Variants in ARHGAP15 observed in about 807,000 individuals in gnomAD.
ARHGAP15 encodes Rho GTPase activating protein 15, also known as rho GTPase-activating protein 15.
In ARHGAP15, 51 loss-of-function variants were observed where a neutral mutation model predicts 63.7. That is an observed-to-expected ratio of 0.80 (90% confidence interval 0.64 to 1.01). The LOEUF is 1.01. ARHGAP15 is among the 50% of genes least tolerant of loss of function. The probability of loss-of-function intolerance (pLI) is 0.00; values close to 1 mark genes in which losing one functional copy is unlikely to be tolerated. For missense variants in ARHGAP15, 560 were observed against 564.6 expected (o/e 0.99, Z 0.08); for synonymous variants, 191 against 193.8 (o/e 0.99, Z 0.12).
chr2:143,726,509 A>G (rs915185161), intron 13 of ARHGAP15, among the ~76,000 whole-genome samples: 6 of 152,230 alleles, frequency 3.9e-5, no homozygotes, highest in Admixed American at 2.6e-4. Flanking sequence ...TGGGTACCAC[A>G]CCCACACCTA....
intron 8 of ARHGAP15, among the ~76,000 whole-genome samples, chr2:143,457,416 T>G (rs1012508649): frequency 6.6e-6 from 1 of 151,926 alleles, no homozygotes; most frequent in African/African-American, 2.4e-5. Flanking sequence ...CATGGTAGCA[T>G]GCACCTGTAG....
chr2:143,390,693 A>C (rs1687498386), intron 6 of ARHGAP15, among the ~76,000 whole-genome samples: 1 of 149,486 alleles, frequency 6.7e-6, no homozygotes, highest in African/African-American at 2.5e-5. Flanking sequence ...AGATCCCCCC[A>C]CCGTGGATAT....
At chr2:143,623,722 CT>C (rs1698731731) in intron 11 of ARHGAP15, among the ~76,000 whole-genome samples, 1 of 152,250 alleles carries the variant, frequency 6.6e-6, no homozygotes, top group African/African-American at 2.4e-5. Flanking sequence ...TAGCATATGT[CT>C]CCTGTTGGCT....
chr2:143,617,693 T>A (rs767807483), intron 11 of ARHGAP15, among the ~76,000 whole-genome samples: 11 of 152,206 alleles, frequency 7.2e-5, no homozygotes, highest in Non-Finnish European at 1.3e-4. Flanking sequence ...ATTCAGCACA[T>A]AACAGGCACG....
At chr2:143,608,810 C>A (rs890179144) in intron 11 of ARHGAP15, 7 of 152,150 alleles carry the variant, frequency 4.6e-5, no homozygotes, top group Non-Finnish European at 1.5e-5. Flanking sequence ...ATGCAGTTAG[C>A]TGACATTTTT....
intron 10 of ARHGAP15, among the ~76,000 whole-genome samples, chr2:143,523,795 A>G (rs1694152907): frequency 6.6e-6 from 1 of 152,208 alleles, no homozygotes; most frequent in Non-Finnish European, 1.5e-5. Flanking sequence ...ACTATTTTAA[A>G]ACATTAAAAT....
At chr2:143,390,005 T>C (rs1435306822) in intron 6 of ARHGAP15, among the ~76,000 whole-genome samples, 1 of 145,920 alleles carries the variant, frequency 6.9e-6, no homozygotes, top group Non-Finnish European at 1.5e-5. Flanking sequence ...ACCAGTCCTT[T>C]ATTAAAAAAA....
At position 143,519,343 on chromosome 2, in the gene ARHGAP15, A is replaced by G. The variant is rs1412765375; in HGVS notation, c.904A>G (p.Ile302Val). 6 of 1,612,890 alleles carry G rather than the reference A, an allele frequency of 3.7e-6. No homozygotes were observed. Among genetic ancestry groups the G allele is most frequent in the East Asian group, 2.2e-5 (1 of 44,836 alleles). ...STVPWFVKQCIEAVEKRGLDV... is the reference protein window; with the variant it reads ...STVPWFVKQCVEAVEKRGLDV... ...AGTTCCGTGGTTTGTAAAGCAATGCATTGAAGCTGTTGAGAAAAGAGGTGG... is the reference window on the plus strand; with the variant it reads ...AGTTCCGTGGTTTGTAAAGCAATGCGTTGAAGCTGTTGAGAAAAGAGGTGG... The change falls in exon 10 of 14, where the codon ATT (isoleucine) becomes GTT (valine). Residue 302 changes from isoleucine to valine, a missense_variant. Transcript: ENST00000295095.
At chr2:143,740,130 A>T (rs559081504) in intron 13 of ARHGAP15, among the ~76,000 whole-genome samples, 1 of 152,334 alleles carries the variant, frequency 6.6e-6, no homozygotes, top group Non-Finnish European at 1.5e-5. Context: ...CAGAAAAAAA[A>T]AATGATTTTC....
At chr2:143,324,871 A>G (rs1684182710) in intron 6 of ARHGAP15, among the ~76,000 whole-genome samples, 1 of 152,198 alleles carries the variant, frequency 6.6e-6, no homozygotes, top group Non-Finnish European at 1.5e-5. Context: ...AACCTAAGTG[A>G]CTAGGCTGTG....
intron 4 of ARHGAP15, among the ~76,000 whole-genome samples, chr2:143,219,833 G>A (rs1316010792): frequency 6.6e-6 from 1 of 152,206 alleles, no homozygotes; most frequent in African/African-American, 2.4e-5. Context: ...TCTGTTTAGA[G>A]ACATTCAGAT....
chr2:143,519,748 A>G (rs1365451017), intron 10 of ARHGAP15, among the ~76,000 whole-genome samples: 1 of 152,194 alleles, frequency 6.6e-6, no homozygotes, highest in Non-Finnish European at 1.5e-5. Flanking sequence ...ACATTACCCA[A>G]GTTAAGCAAA....
At chr2:143,611,893 G>T (rs1698270382) in intron 11 of ARHGAP15, among the ~76,000 whole-genome samples, 1 of 152,080 alleles carries the variant, frequency 6.6e-6, no homozygotes, top group Non-Finnish European at 1.5e-5. Flanking sequence ...TCATTAAATG[G>T]ATGGCCTCAC....
intron 2 of ARHGAP15, among the ~76,000 whole-genome samples, chr2:143,167,756 A>C (rs1199206426): frequency 1.3e-5 from 2 of 152,122 alleles, no homozygotes; most frequent in African/African-American, 2.4e-5. Flanking sequence ...GATGGGTCTA[A>C]ACAGGGGTTA....
At chr2:143,255,458 C>G (rs1680371539) in intron 6 of ARHGAP15, among the ~76,000 whole-genome samples, 1 of 152,070 alleles carries the variant, frequency 6.6e-6, no homozygotes, top group Admixed American at 6.6e-5. Context: ...ATGGAGTCTT[C>G]TGACTACAAT....
intron 6 of ARHGAP15, among the ~76,000 whole-genome samples, chr2:143,382,763 G>T (rs557025392): frequency 5.3e-5 from 8 of 152,272 alleles, no homozygotes; most frequent in African/African-American, 1.9e-4. Context: ...AAGTGCCATC[G>T]CCGGCTGCTG....
At chr2:143,374,506 T>C (rs375362144) in intron 6 of ARHGAP15, among the ~76,000 whole-genome samples, 1 of 151,130 alleles carries the variant, frequency 6.6e-6, no homozygotes, top group Non-Finnish European at 1.5e-5. Flanking sequence ...TTTGGGGGGG[T>C]TTCTGTTTGC....
chr2:143,337,021 A>T (rs1486778559), intron 6 of ARHGAP15, among the ~76,000 whole-genome samples: 1 of 151,912 alleles, frequency 6.6e-6, no homozygotes, highest in Non-Finnish European at 1.5e-5. Flanking sequence ...AGGAGGTGGA[A>T]GGGGGTGGGA....
intron 3 of ARHGAP15, among the ~76,000 whole-genome samples, chr2:143,203,009 G>A (rs1050674568): frequency 7.2e-5 from 11 of 151,996 alleles, no homozygotes; most frequent in Non-Finnish European, 1.3e-4. Flanking sequence ...TAAATACAAT[G>A]TGCTTTTCCT....
Sources: gnomAD v4.1 joint callset for allele counts (sites outside exome capture counted in the v4.1 genomes callset) on GRCh38, gnomAD v4.1.1 for gene constraint, MANE v1.5 for transcripts, NCBI Gene and HGNC (gene_info 2026-07-23, HGNC 2026-07-21) for gene names.